SRPK2: variants seen among roughly 807,000 people sequenced by gnomAD.
SRPK2 encodes SRSF protein kinase 2.
Under a neutral mutation model 90.8 loss-of-function variants are expected in SRPK2, and 21 were observed. The ratio of observed to expected loss-of-function variants is 0.23; its 90% CI spans 0.16 to 0.33. The LOEUF (loss-of-function observed/expected upper bound fraction) is 0.33, where lower values mean the gene tolerates loss of function less well. Ranked by LOEUF, SRPK2 falls within the 10% of genes least tolerant of loss-of-function variation. The pLI, the probability that SRPK2 is intolerant of heterozygous loss-of-function variation, is 1.00. For missense variants in SRPK2, 620 were observed against 869.0 expected (o/e 0.71, Z 3.60); for synonymous variants, 288 against 311.1 (o/e 0.93, Z 0.78).
chr7:105,203,794 G>C lies in SRPK2; in HGVS notation c.72-9C>G. 6.4e-7 allele frequency: 1 copy of C among 1,564,348 alleles called. No individual in the cohort carries two copies. The highest frequency in any genetic ancestry group is 1.4e-5 in the African/African-American group (1 of 73,668). ...TCTGTTGAGGCTCCGGCCTGAAAGAGCAGAGAGAAAATTGCTATTTACTTA... is the reference window on the plus strand; with the variant it reads ...TCTGTTGAGGCTCCGGCCTGAAAGACCAGAGAGAAAATTGCTATTTACTTA... On this transcript the variant is annotated splice_polypyrimidine_tract_variant and intron_variant, in intron 2 of 15. Coordinates refer to ENST00000393651, the MANE Select transcript of SRPK2 (RefSeq NM_182692.3).
Position 105,319,480 on chromosome 7 carries a change from C to G in SRPK2, c.71+69168G>C, listed in dbSNP as rs377390266. Among the ~76,000 whole-genome samples, 3 of 113,822 alleles carry G rather than the reference C, an allele frequency of 2.6e-5. No individual in the cohort carries two copies. In the East Asian group the frequency reaches 8.3e-4, roughly 31 times the overall value. The allele number at this position is 113,822 out of a possible 152,430, so 74.7% of individuals were successfully genotyped here. On this transcript the variant is annotated intron_variant, in intron 2 of 15. Coordinates refer to ENST00000393651, the MANE Select transcript of SRPK2 (RefSeq NM_182692.3). ...TTTTAGTTTTTATTTTCAACATCCA[C>G]TCTTAAATTTAATGCACTTGCGGCG...
At chr7:105,367,848 A>G (rs150223315) in intron 2 of SRPK2, among the ~76,000 whole-genome samples, 78 of 152,338 alleles carry the variant, frequency 5.1e-4, no homozygotes, top group Non-Finnish European at 7.8e-4. Flanking sequence ...ATGTTTTTAA[A>G]TATTTCTAGG....
chr7:105,191,886 T>G (rs933061567), intron 3 of SRPK2, among the ~76,000 whole-genome samples: 2 of 151,808 alleles, frequency 1.3e-5, no homozygotes, highest in Non-Finnish European at 2.9e-5. Flanking sequence ...AAAAAACTTT[T>G]TTTTTTTTAA....
chr7:105,156,132 C>A (rs1016303601), intron 7 of SRPK2, among the ~76,000 whole-genome samples: 1 of 152,134 alleles, frequency 6.6e-6, no homozygotes, highest in Non-Finnish European at 1.5e-5. Flanking sequence ...CAGTACAATT[C>A]CAAACTTATT....
At chr7:105,345,556 T>C (rs1283232865) in intron 2 of SRPK2, among the ~76,000 whole-genome samples, 1 of 152,204 alleles carries the variant, frequency 6.6e-6, no homozygotes, top group Non-Finnish European at 1.5e-5. Context: ...ATGTGCTATG[T>C]AACAATTGTA....
chr7:105,380,419 A>C (rs1820804620), intron 2 of SRPK2, among the ~76,000 whole-genome samples: 1 of 152,128 alleles, frequency 6.6e-6, no homozygotes, highest in South Asian at 2.1e-4. Flanking sequence ...ACATGCATAT[A>C]CATGTATGCT....
At chr7:105,311,727 T>A (rs1811727494) in intron 2 of SRPK2, among the ~76,000 whole-genome samples, 1 of 152,232 alleles carries the variant, frequency 6.6e-6, no homozygotes, top group Non-Finnish European at 1.5e-5. Context: ...GGAACCCTTG[T>A]ACGTTGCTGG....
At chr7:105,356,865 G>C (rs1005241958) in intron 2 of SRPK2, among the ~76,000 whole-genome samples, 3 of 152,092 alleles carry the variant, frequency 2.0e-5, no homozygotes, top group African/African-American at 7.2e-5. Flanking sequence ...CAAAATATGA[G>C]AAATGAAAGA....
intron 2 of SRPK2, among the ~76,000 whole-genome samples, chr7:105,328,661 G>C (rs1158394951): frequency 6.6e-6 from 1 of 150,908 alleles, no homozygotes; most frequent in Non-Finnish European, 1.5e-5. Context: ...TCAGGAGATC[G>C]AGACCATCCT....
intron 2 of SRPK2, among the ~76,000 whole-genome samples, chr7:105,319,858 C>T (rs1454718198): frequency 6.6e-6 from 1 of 151,018 alleles, no homozygotes; most frequent in African/African-American, 2.4e-5. Flanking sequence ...TCACTTCCCC[C>T]CCTTTTTTTT....
At chr7:105,240,844 T>C (rs976638472) in intron 2 of SRPK2, among the ~76,000 whole-genome samples, 6 of 152,220 alleles carry the variant, frequency 3.9e-5, no homozygotes, top group Admixed American at 3.3e-4. Flanking sequence ...TCGTCCAGTA[T>C]GTACTGAAAT....
intron 7 of SRPK2, among the ~76,000 whole-genome samples, chr7:105,149,305 A>G (rs969462705): frequency 2.0e-5 from 3 of 152,280 alleles, no homozygotes; most frequent in Non-Finnish European, 2.9e-5. Flanking sequence ...CTCCACTAAG[A>G]TGTTTGGGTG....
At chr7:105,205,553 ACACACACACACACACACC>A (rs1340670039) in intron 2 of SRPK2, among the ~76,000 whole-genome samples, 17 of 148,450 alleles carry the variant, frequency 1.1e-4, no homozygotes, top group Non-Finnish European at 2.5e-4. Flanking sequence ...ACACACACAC[ACACACACACACACACACC>A]ACTTCCAGAA....
chr7:105,366,458 C>A (rs912386126), intron 2 of SRPK2, among the ~76,000 whole-genome samples: 6 of 150,038 alleles, frequency 4.0e-5, no homozygotes, highest in Admixed American at 3.4e-4. Context: ...CAACCTCTGC[C>A]TCCCGGCCTC....
Position 105,331,308 on chromosome 7 carries a change from C to CAAAAAAAAAAAAAAAAAAAAAA in SRPK2, c.71+57318_71+57339dup, listed in dbSNP as rs57653042. ...TGGGCGACAGAGCGAGACTCCGTCT[C>CAAAAAAAAAAAAAAAAAAAAAA]AAAAAAAAAAAAAAAAAAAAAAAAA... On this transcript the variant is annotated intron_variant, in intron 2 of 15. Transcript: ENST00000393651. Among the ~76,000 whole-genome samples the CAAAAAAAAAAAAAAAAAAAAAA allele has an allele frequency of 6.7e-5, 3 of 45,104 alleles. 1 individual carries two copies. Among genetic ancestry groups the CAAAAAAAAAAAAAAAAAAAAAA allele is most frequent in the African/African-American group, 2.3e-4 (2 of 8,858 alleles). 29.6% of individuals were successfully genotyped at this position (45,104 alleles called of 152,430 possible).
chr7:105,274,591 T>C (rs868325840), intron 2 of SRPK2, among the ~76,000 whole-genome samples: 9 of 148,538 alleles, frequency 6.1e-5, no homozygotes, highest in African/African-American at 2.0e-4. Context: ...GACGGATGAA[T>C]AGGGAGACCA....
At chr7:105,369,718 G>A (rs1244474934) in intron 2 of SRPK2, among the ~76,000 whole-genome samples, 1 of 151,908 alleles carries the variant, frequency 6.6e-6, no homozygotes, top group African/African-American at 2.4e-5. Context: ...TAATCAACAG[G>A]ATAAGATTCC....
chr7:105,246,527 T>C (rs1036571152), intron 2 of SRPK2, among the ~76,000 whole-genome samples: 1 of 152,120 alleles, frequency 6.6e-6, no homozygotes, highest in Admixed American at 6.5e-5. Context: ...CCACAAATGG[T>C]ATTAACACCA....
intron 2 of SRPK2, among the ~76,000 whole-genome samples, chr7:105,337,901 A>G (rs891510566): frequency 3.3e-5 from 5 of 152,192 alleles, no homozygotes; most frequent in African/African-American, 4.8e-5. Flanking sequence ...TGCAAGAGAT[A>G]TAACAATAAT....
Sources: allele counts gnomAD v4.1 joint callset (sites outside exome capture counted in the v4.1 genomes callset), GRCh38; gene constraint gnomAD v4.1.1; transcripts MANE v1.5; gene names NCBI Gene and HGNC (gene_info 2026-07-23, HGNC 2026-07-21).